Variants in RAP1GAP2 observed in about 807,000 individuals in gnomAD.
The protein encoded by RAP1GAP2 is RAP1 GTPase activating protein 2.
In RAP1GAP2, 27 loss-of-function variants were observed where a neutral mutation model predicts 95.0. The observed-to-expected ratio is 0.28, with a 90% CI of 0.21 to 0.39. The LOEUF is 0.39. Ranked by LOEUF, RAP1GAP2 falls within the 10% of genes least tolerant of loss-of-function variation. RAP1GAP2 has a pLI of 1.00. For synonymous variants in RAP1GAP2, 373 were observed against 380.9 expected (o/e 0.98, Z 0.24); for missense variants, 771 against 970.0 (o/e 0.79, Z 2.72).
intron 3 of RAP1GAP2, 125 bp downstream of exon 3, chr17:2,905,493 C>A: frequency 2.3e-6 from 2 of 872,342 alleles, no homozygotes; most frequent in Non-Finnish European, 3.5e-6. Context: ...GTCCTGACAC[C>A]TCGGAGGAGG....
At chr17:2,852,875 C>G (rs1010848227) in intron 2 of RAP1GAP2, among the ~76,000 whole-genome samples, 1 of 151,946 alleles carries the variant, frequency 6.6e-6, no homozygotes, top group Non-Finnish European at 1.5e-5. Context: ...GGAGCCGGCG[C>G]GACCTTCCGA....
intron 8 of RAP1GAP2, among the ~76,000 whole-genome samples, chr17:2,967,091 AG>A (rs968013282): frequency 2.0e-5 from 3 of 152,220 alleles, no homozygotes; most frequent in African/African-American, 7.2e-5. Context: ...TGTTGTGGCC[AG>A]GCACGGTGGC....
Position 2,965,706 on chromosome 17 carries a change from G to A in RAP1GAP2, c.596+63G>A. On this transcript the variant is annotated intron_variant, in intron 8 of 24. Coordinates refer to ENST00000254695, the MANE Select transcript of RAP1GAP2 (RefSeq NM_015085.5). The surrounding 1 kb of genome is among the most constrained non-coding windows in gnomAD (Gnocchi z 4.7). ...AGGCAGGGCTCTCATCGGTGGTGTGGGGGCTGGGATGGGACTCAGAAATAC... is the reference window on the plus strand; with the variant it reads ...AGGCAGGGCTCTCATCGGTGGTGTGAGGGCTGGGATGGGACTCAGAAATAC... The A allele has an allele frequency of 7.9e-7, 1 of 1,272,472 alleles. No homozygotes were observed. 78.8% of individuals were successfully genotyped at this position (1,272,472 alleles called of 1,614,324 possible). A position where few individuals can be genotyped will look rare whatever the true frequency, so the allele number is the denominator to read the frequency against.
intron 2 of RAP1GAP2, among the ~76,000 whole-genome samples, chr17:2,879,143 C>G (rs935126482): frequency 1.4e-5 from 2 of 147,776 alleles, no homozygotes; most frequent in Non-Finnish European, 3.0e-5. Context: ...GAGACAGAGT[C>G]TTGCTCTTGT....
intron 3 of RAP1GAP2, among the ~76,000 whole-genome samples, chr17:2,920,460 C>A (rs1359783473): frequency 6.6e-6 from 1 of 152,186 alleles, no homozygotes; most frequent in Non-Finnish European, 1.5e-5. Flanking sequence ...TCTGTGACAT[C>A]CCTGCCTGTT....
chr17:2,831,038 C>T (rs2070823927), intron 2 of RAP1GAP2, among the ~76,000 whole-genome samples: 1 of 29,602 alleles, frequency 3.4e-5, no homozygotes, highest in Non-Finnish European at 6.3e-5. Context: ...CCTTCCCCTC[C>T]CTCCCCTGCC....
At chr17:2,996,937 C>A (rs976903295) in intron 13 of RAP1GAP2, among the ~76,000 whole-genome samples, 1 of 152,192 alleles carries the variant, frequency 6.6e-6, no homozygotes, top group Non-Finnish European at 1.5e-5. Flanking sequence ...GGAACAAATG[C>A]ATAGACAGGC....
At chr17:2,832,375 G>C (rs1014242225) in intron 2 of RAP1GAP2, among the ~76,000 whole-genome samples, 3 of 150,490 alleles carry the variant, frequency 2.0e-5, no homozygotes, top group Non-Finnish European at 4.4e-5. Flanking sequence ...TGGCTAAAAC[G>C]GTGAAACCCC....
intron 3 of RAP1GAP2, among the ~76,000 whole-genome samples, chr17:2,944,457 GTT>G (rs2043633751): frequency 6.6e-6 from 1 of 152,142 alleles, no homozygotes; most frequent in African/African-American, 2.4e-5. Flanking sequence ...AGATGTGTGG[GTT>G]TATCTCTGGA....
chr17:2,814,912 G>A (rs1036768447), intron 2 of RAP1GAP2, among the ~76,000 whole-genome samples: 2 of 152,104 alleles, frequency 1.3e-5, no homozygotes, highest in Admixed American at 6.5e-5. Flanking sequence ...CAGACGCCCC[G>A]TGGAATTGAG....
chr17:3,037,731 T>C lies in RAP1GAP2; in HGVS notation c.*4370T>C, dbSNP rs918983331. 6.6e-6 allele frequency: 1 copy of C among 152,224 alleles called. No individual in the cohort carries two copies. The highest frequency in any genetic ancestry group is 1.5e-5 in the Non-Finnish European group (1 of 68,018). The allele number at this position is 152,224 out of a possible 1,614,324, so 9.4% of individuals were successfully genotyped here. On this transcript the variant is annotated 3_prime_UTR_variant, in exon 25 of 25. Coordinates refer to ENST00000254695, the MANE Select transcript of RAP1GAP2 (RefSeq NM_015085.5). ...GCAGAAATTGACAATAAATAACATATTTTGTGTCCATCAGTGTTCAGAGTT... is the reference window on the plus strand; with the variant it reads ...GCAGAAATTGACAATAAATAACATACTTTGTGTCCATCAGTGTTCAGAGTT...
intron 16 of RAP1GAP2, among the ~76,000 whole-genome samples, chr17:3,007,497 G>A (rs1031656747): frequency 2.0e-5 from 3 of 152,212 alleles, no homozygotes; most frequent in East Asian, 1.9e-4. Flanking sequence ...GTTGTGGGAC[G>A]TGGGATTGAT....
chr17:2,789,260 C>G (rs2068863260), intron 1 of RAP1GAP2, among the ~76,000 whole-genome samples: 1 of 152,110 alleles, frequency 6.6e-6, no homozygotes, highest in Admixed American at 6.6e-5. Context: ...GTTGCCCACA[C>G]TGGTCTCGAA....
chr17:2,915,032 C>A (rs1037291224), intron 3 of RAP1GAP2, among the ~76,000 whole-genome samples: 6 of 150,906 alleles, frequency 4.0e-5, no homozygotes, highest in Non-Finnish European at 8.9e-5. Flanking sequence ...CCTCGTGATC[C>A]GCCCGCCTCG....
intron 17 of RAP1GAP2, among the ~76,000 whole-genome samples, chr17:3,014,674 C>G (rs566450268): frequency 6.6e-6 from 1 of 151,758 alleles, no homozygotes; most frequent in African/African-American, 2.4e-5. Context: ...CTCAGCCTGC[C>G]GAGTAGCTGG....
chr17:2,865,732 A>G (rs1597465153), intron 2 of RAP1GAP2, among the ~76,000 whole-genome samples: 1 of 152,170 alleles, frequency 6.6e-6, no homozygotes, highest in Non-Finnish European at 1.5e-5. Flanking sequence ...GGGTATGGCC[A>G]CATGGAGGCA....
rs1026319563 is a variant in RAP1GAP2, at chr17:2,855,895, T to C, written c.81-49389T>C. 1.6e-4 allele frequency among the ~76,000 whole-genome samples: 24 copies of C among 152,222 alleles called. No individual in the cohort carries two copies. Among genetic ancestry groups the C allele is most frequent in the African/African-American group, 5.5e-4 (23 of 41,450 alleles). On this transcript the variant is annotated intron_variant, in intron 2 of 24. Transcript: ENST00000254695. The surrounding 1 kb of genome is among the most constrained non-coding windows in gnomAD (Gnocchi z 4.3). ...TCTCAAAGTGCTGGGATTACAGGCA[T>C]GAGCCACCGTGCCCGGCTGAAGTGA...
chr17:2,787,181 C>T (rs2068803876), intron 1 of RAP1GAP2, among the ~76,000 whole-genome samples: 1 of 151,688 alleles, frequency 6.6e-6, no homozygotes, highest in South Asian at 2.1e-4. Context: ...GAACTCCTGA[C>T]CTCAAGTGAT....
intron 17 of RAP1GAP2, among the ~76,000 whole-genome samples, chr17:3,012,689 A>G (rs2046599637): frequency 6.6e-6 from 1 of 150,968 alleles, no homozygotes; most frequent in Admixed American, 6.6e-5. Flanking sequence ...TAGGGTAAAT[A>G]GGTAAGGCCT....
Sources: allele counts gnomAD v4.1 joint callset (sites outside exome capture counted in the v4.1 genomes callset), GRCh38; gene constraint gnomAD v4.1.1; non-coding constraint Gnocchi (gnomAD v3.1); transcripts MANE v1.5; gene names NCBI Gene and HGNC (gene_info 2026-07-23, HGNC 2026-07-21).